RALGAPA2: variants seen among roughly 807,000 people sequenced by gnomAD.
RALGAPA2 encodes the protein ral GTPase-activating protein subunit alpha-2.
Under a neutral mutation model 230.4 loss-of-function variants are expected in RALGAPA2, and 139 were observed. The observed-to-expected ratio is 0.60, with a 90% CI of 0.53 to 0.69. The LOEUF (loss-of-function observed/expected upper bound fraction) is 0.69. RALGAPA2 is among the 30% of genes least tolerant of loss of function. The pLI, the probability that RALGAPA2 is intolerant of heterozygous loss-of-function variation, is 0.00. For missense variants in RALGAPA2, 2,163 were observed against 2,276.0 expected (o/e 0.95, Z 1.01); for synonymous variants, 847 against 837.8 (o/e 1.01, Z -0.19).
At chr20:20,504,407 G>C (rs2062467881) in intron 34 of RALGAPA2, among the ~76,000 whole-genome samples, 1 of 152,164 alleles carries the variant, frequency 6.6e-6, no homozygotes, top group Non-Finnish European at 1.5e-5. Flanking sequence ...AAGGCACCCA[G>C]AGAGTTTTTC....
intron 1 of RALGAPA2, among the ~76,000 whole-genome samples, chr20:20,708,697 T>G (rs2069710811): frequency 6.6e-6 from 1 of 152,226 alleles, no homozygotes; most frequent in South Asian, 2.1e-4. Context: ...TCCTTAAAGA[T>G]GCCCCTATTT....
intron 36 of RALGAPA2, among the ~76,000 whole-genome samples, chr20:20,478,509 A>G (rs577568614): frequency 2.4e-4 from 36 of 152,288 alleles, no homozygotes; most frequent in Non-Finnish European, 4.4e-4. Context: ...GAAAAAAAAA[A>G]AATCATGTCC....
chr20:20,462,675 G>C (rs2061330132), intron 37 of RALGAPA2, among the ~76,000 whole-genome samples: 1 of 152,122 alleles, frequency 6.6e-6, no homozygotes, highest in African/African-American at 2.4e-5. Context: ...AAAGTATTCT[G>C]CTTTCATTAA....
In RALGAPA2 at chr20:20,624,986, C is replaced by A. The variant is rs2066445947; in HGVS notation, c.1234-4356G>T. ...TACCTCCCCTTGTGCCTGCCTTAAT[C>A]TCAACTGACGTCTGTCTGGTTCCAC... is the stretch of plus-strand genomic sequence containing the variant. On this transcript the variant is annotated intron_variant, in intron 10 of 39. Transcript: ENST00000202677. Among the ~76,000 whole-genome samples the A allele has an allele frequency of 1.3e-5, 2 of 152,316 alleles. 1 individual carries two copies.
In RALGAPA2 at chr20:20,680,707, A is replaced by G. The variant is rs778927807; in HGVS notation, c.201T>C (p.Asn67=). The change falls in exon 2 of 40, where the codon AAT becomes AAC. Residue 67 remains asparagine (N), a synonymous_variant. Coordinates refer to ENST00000202677, the MANE Select transcript of RALGAPA2 (RefSeq NM_020343.4). ...IFYENFIALE[N]SLKLKGNNKS... The stretch of plus-strand genomic sequence containing the variant: ...AATGCTTACCTTTTAATTTCAAACT[A>G]TTTTCCAGTGCTATAAAATTTTCAT... The G allele has an allele frequency of 1.3e-6, 2 of 1,560,464 alleles. No homozygotes were observed. Among genetic ancestry groups the G allele is most frequent in the Admixed American group, 4.4e-5 (2 of 45,500 alleles).
At chr20:20,520,333 G>A (rs755092077) in intron 31 of RALGAPA2, among the ~76,000 whole-genome samples, 30 of 152,094 alleles carry the variant, frequency 2.0e-4, no homozygotes, top group Non-Finnish European at 3.1e-4. Context: ...CCCAAAGCTG[G>A]GCTCTTATCA....
intron 37 of RALGAPA2, chr20:20,472,511 G>C (rs1222360433): frequency 5.8e-6 from 1 of 173,134 alleles, no homozygotes. Context: ...ACAAATAAGA[G>C]GGATACAGGA....
Position 20,507,197 on chromosome 20 carries a change from T to C in RALGAPA2, c.4929-1663A>G, listed in dbSNP as rs186593646. 5.3e-3 allele frequency among the ~76,000 whole-genome samples: 807 copies of C among 152,348 alleles called. 7 individuals carry two copies. Among genetic ancestry groups the C allele is most frequent in the African/African-American group, 0.019 (770 of 41,584 alleles). ...TGAACACTTTTATATCATGTGCTTC[T>C]ACAACAGAGGTTTAATGATTGTAAC... is the stretch of plus-strand genomic sequence containing the variant. On this transcript the variant is annotated intron_variant, in intron 33 of 39. Transcript: ENST00000202677.
At chr20:20,642,348 C>G (rs1276325433) in intron 5 of RALGAPA2, among the ~76,000 whole-genome samples, 1 of 151,998 alleles carries the variant, frequency 6.6e-6, no homozygotes, top group African/African-American at 2.4e-5. Context: ...GTAGCTGAGA[C>G]TATAGGCGTA....
chr20:20,504,143 G>T (rs1202049525), intron 34 of RALGAPA2, among the ~76,000 whole-genome samples: 3 of 152,136 alleles, frequency 2.0e-5, no homozygotes, highest in Non-Finnish European at 4.4e-5. Context: ...AATCTCTTCT[G>T]TGCCAAATAG....
intron 1 of RALGAPA2, among the ~76,000 whole-genome samples, chr20:20,701,708 C>A (rs900180181): frequency 1.3e-5 from 2 of 151,094 alleles, no homozygotes; most frequent in Non-Finnish European, 2.9e-5. Flanking sequence ...CCAGCCTGGG[C>A]GACAGAGCAG....
At chr20:20,635,649 G>A in intron 8 of RALGAPA2, 32 bp from the exon 9 acceptor site, 3 of 1,433,906 alleles carry the variant, frequency 2.1e-6, no homozygotes, top group Non-Finnish European at 2.8e-6. Context: ...GATTGATTAG[G>A]TTAATAAATC....
At chr20:20,601,886 A>G in intron 15 of RALGAPA2, 40 bp from the exon 16 acceptor site, 1 of 1,506,608 alleles carries the variant, frequency 6.6e-7, no homozygotes, top group Non-Finnish European at 9.0e-7. Context: ...GGCTGAATTC[A>G]TTATTATTCA....
chr20:20,618,576 C>T (rs1484562390), intron 12 of RALGAPA2, among the ~76,000 whole-genome samples: 1 of 152,134 alleles, frequency 6.6e-6, no homozygotes, highest in Non-Finnish European at 1.5e-5. Flanking sequence ...CCAGACTCCA[C>T]ACCTGGCCTC....
In RALGAPA2 at chr20:20,653,545, G is replaced by A. The variant is rs1221594667; in HGVS notation, c.313C>T (p.His105Tyr). 1 of 1,499,226 alleles carries A rather than the reference G, an allele frequency of 6.7e-7. No homozygotes were observed. Among genetic ancestry groups the A allele is most frequent in the Non-Finnish European group, 9.1e-7 (1 of 1,103,586 alleles). The allele number at this position is 1,499,226 out of a possible 1,614,324, so 92.9% of individuals were successfully genotyped here. ...TTGTTCTTACCTATACTCTGGTAAT[G>A]CCATCGAAAGAAAATTCGTTCAGGT... ...FLPERIFFRW[H>Y]YQSIGSTLKK... Residue 105 changes from histidine (H) to tyrosine (Y), a missense_variant, in exon 4 of 40, where the codon CAT (histidine) becomes TAT (tyrosine). Physicochemically the swap from His to Tyr is moderately conservative, Grantham distance 83 (BLOSUM62 2). Transcript: ENST00000202677.
chr20:20,603,786 A>G (rs961864782), intron 15 of RALGAPA2, among the ~76,000 whole-genome samples: 3 of 152,194 alleles, frequency 2.0e-5, no homozygotes, highest in Non-Finnish European at 4.4e-5. Flanking sequence ...ATCAAGATAA[A>G]TAAGTGGTTG....
At position 20,535,934 on chromosome 20, in the gene RALGAPA2, G is replaced by C. The variant is rs1602690031; in HGVS notation, c.3415-131C>G. The stretch of plus-strand genomic sequence containing the variant: ...GAGCTCAGAGAGCTCATCTATGAGT[G>C]AGAGCCTGGGGGGAAGAAGAACACT... On this transcript the variant is annotated intron_variant, in intron 25 of 39. Coordinates refer to ENST00000202677, the MANE Select transcript of RALGAPA2 (RefSeq NM_020343.4). 5 of 1,363,070 alleles carry C rather than the reference G, an allele frequency of 3.7e-6. No homozygotes were observed. In the East Asian group the frequency reaches 1.4e-4, roughly 38 times the overall value. 84.4% of individuals were successfully genotyped at this position (1,363,070 alleles called of 1,614,324 possible).
chr20:20,507,040 G>C (rs2062556857), intron 33 of RALGAPA2, among the ~76,000 whole-genome samples: 1 of 152,190 alleles, frequency 6.6e-6, no homozygotes, highest in African/African-American at 2.4e-5. Context: ...ATACACTTTT[G>C]CATGCACATA....
rs762604461 is a variant in RALGAPA2, at chr20:20,503,408, C to G, written c.5151G>C (p.Val1717=). ...GCATTCGAGTGGAAACATGGAAAATCACTTCCACAGTTGAGGTAGCATAGT... is the reference window on the plus strand; with the variant it reads ...GCATTCGAGTGGAAACATGGAAAATGACTTCCACAGTTGAGGTAGCATAGT... ...APYYATSTVE[V]IFHVSTRMPS... The change falls in exon 35 of 40, where the codon GTG becomes GTC. Residue 1717 remains valine (V), a synonymous_variant. Transcript: ENST00000202677. The G allele has an allele frequency of 1.2e-6, 2 of 1,605,982 alleles. No homozygotes were observed. Among genetic ancestry groups the G allele is most frequent in the East Asian group, 2.3e-5 (1 of 44,234 alleles).
Sources: gnomAD v4.1 joint callset for allele counts (sites outside exome capture counted in the v4.1 genomes callset) on GRCh38, gnomAD v4.1.1 for gene constraint, MANE v1.5 for transcripts, NCBI Gene and HGNC (gene_info 2026-07-23, HGNC 2026-07-21) for gene names.